PCDHGA2: variants seen among roughly 807,000 people sequenced by gnomAD.
PCDHGA2 encodes protocadherin gamma subfamily A, 2, also known as protocadherin gamma-A2.
In PCDHGA2, 40 loss-of-function variants were observed where a neutral mutation model predicts 59.2. That is an observed-to-expected ratio of 0.68 (90% CI 0.52 to 0.88). PCDHGA2 has a LOEUF of 0.88. Ranked by LOEUF, PCDHGA2 falls within the 40% of genes least tolerant of loss-of-function variation. PCDHGA2 has a pLI of 0.00. For missense variants in PCDHGA2, 1,226 were observed against 1,204.0 expected (o/e 1.02, Z -0.27); for synonymous variants, 560 against 526.0 (o/e 1.06, Z -0.89).
Position 141,462,070 on chromosome 5 carries a change from G to A in PCDHGA2, c.2425-32737G>A, listed in dbSNP as rs572217894. Among the ~76,000 whole-genome samples the A allele has an allele frequency of 2.6e-5, 4 of 152,196 alleles. No homozygotes were observed. In the East Asian group the frequency reaches 7.7e-4, roughly 29 times the overall value. Reference sequence around the variant, plus strand: ...ACTCCCGACCTCAGGTGATCTGCCCGCCTTGGCCTCCCAAAATGCTGGGAT... The same window carrying A: ...ACTCCCGACCTCAGGTGATCTGCCCACCTTGGCCTCCCAAAATGCTGGGAT... On this transcript the variant is annotated intron_variant, in intron 1 of 3. Transcript: ENST00000394576.
chr5:141,410,419 TC>T (rs769125626), intron 1 of PCDHGA2: 1 of 1,613,886 alleles, frequency 6.2e-7, no homozygotes, highest in South Asian at 1.1e-5. Flanking sequence ...GACCTGTAGT[TC>T]CCCCCAACTA....
chr5:141,494,153 G>T (rs2099752286), intron 1 of PCDHGA2, among the ~76,000 whole-genome samples: 1 of 152,186 alleles, frequency 6.6e-6, no homozygotes, highest in Non-Finnish European at 1.5e-5. Flanking sequence ...CCATTGTCTG[G>T]CACGGAGTTC....
rs267600445 is a variant in PCDHGA2, at chr5:141,340,764, C to T, written c.1793C>T (p.Ser598Leu). Residue 598 changes from serine (S) to leucine (L), a missense_variant, in exon 1 of 4, where the codon TCG becomes TTG. By Grantham distance (145) the Ser-to-Leu change is moderately radical. Coordinates refer to ENST00000394576, the MANE Select transcript of PCDHGA2 (RefSeq NM_018915.4). ...AAGGTGGTGGCGGTGGACAGAGACT[C>T]GGGCCAGAACGCCTGGCTGTCTTAC... The part of the protein sequence containing the change: ...VTKVVAVDRD[S>L]GQNAWLSYHL... The T allele has an allele frequency of 2.5e-6, 4 of 1,613,952 alleles. No homozygotes were observed. Among genetic ancestry groups the T allele is most frequent in the East Asian group, 4.5e-5 (2 of 44,858 alleles).
At chr5:141,504,709 C>G (rs11743102) in intron 2 of PCDHGA2, among the ~76,000 whole-genome samples, 29,287 of 151,306 alleles carry the variant, frequency 0.19, 2,876 homozygotes, top group Middle Eastern at 0.24. Context: ...CTTCTATGGC[C>G]GTGGATTTTA....
Position 141,379,889 on chromosome 5 carries a change from C to CTTTTTTTTTTTTTTTTTTT in PCDHGA2, c.2424+38506_2424+38524dup, listed in dbSNP as rs70988800. ...CTTATTTTATGGTCTGTGAAAGCCT[C>CTTTTTTTTTTTTTTTTTTT]TTTTTTTTTTTTTTTTTTTTTTTTT... On this transcript the variant is annotated intron_variant, in intron 1 of 3. Transcript: ENST00000394576. Among the ~76,000 whole-genome samples, 178 of 50,830 alleles carry CTTTTTTTTTTTTTTTTTTT rather than the reference C, an allele frequency of 3.5e-3. 28 individuals are homozygous for CTTTTTTTTTTTTTTTTTTT. Among genetic ancestry groups the CTTTTTTTTTTTTTTTTTTT allele is most frequent in the Non-Finnish European group, 5.0e-3 (129 of 25,880 alleles). The allele number at this position is 50,830 out of a possible 152,430, so 33.3% of individuals were successfully genotyped here.
chr5:141,368,191 A>G (rs1765525656), intron 1 of PCDHGA2, among the ~76,000 whole-genome samples: 1 of 152,206 alleles, frequency 6.6e-6, no homozygotes, highest in Admixed American at 6.5e-5. Flanking sequence ...AAATAAGGGG[A>G]AAAGGTAATA....
chr5:141,431,474 G>A lies in PCDHGA2; in HGVS notation c.2425-63333G>A, dbSNP rs747313827. 2 of 1,613,842 alleles carry A rather than the reference G, an allele frequency of 1.2e-6. No homozygotes were observed. Among genetic ancestry groups the A allele is most frequent in the East Asian group, 4.5e-5 (2 of 44,886 alleles). ...GATGGTTCTGGATGCGAACGACAACGCACCAGCGTTTGCTCAGCCCGAGTA... is the reference window on the plus strand; with the variant it reads ...GATGGTTCTGGATGCGAACGACAACACACCAGCGTTTGCTCAGCCCGAGTA... On this transcript the variant is annotated intron_variant, in intron 1 of 3. Coordinates refer to ENST00000394576, the MANE Select transcript of PCDHGA2 (RefSeq NM_018915.4). This position sits in a 1 kb window ranked among gnomAD's most constrained non-coding sequence, Gnocchi z 4.8.
rs115565444 is a variant in PCDHGA2 at position 141,487,520 on chromosome 5, G to C, written c.2425-7287G>C. 1 of 1,614,166 alleles carries C rather than the reference G, an allele frequency of 6.2e-7. No individual in the cohort carries two copies. Among genetic ancestry groups the C allele is most frequent in the Non-Finnish European group, 8.5e-7 (1 of 1,180,042 alleles). ...CTTGGCTTCTGCACCCACTCGGAGT[G>C]ATAGCTTCATGATGGTGAAGTCACC... On this transcript the variant is annotated intron_variant, in intron 1 of 3. Coordinates refer to ENST00000394576, the MANE Select transcript of PCDHGA2 (RefSeq NM_018915.4). The surrounding 1 kb of genome is among the most constrained non-coding windows in gnomAD (Gnocchi z 5.0).
rs766260971 is a variant in PCDHGA2 at position 141,365,497 on chromosome 5, T to A, written c.2424+24102T>A. On this transcript the variant is annotated intron_variant, in intron 1 of 3. Transcript: ENST00000394576. ...AGATTGCATGCTCTATTCCTAGGAA[T>A]TTGCCTTTTAAATTGGAGAAGTCAG... 3.1e-6 allele frequency: 5 copies of A among 1,613,978 alleles called. No homozygotes were observed. The South Asian group carries it at 4.4e-5, about 14-fold the overall frequency.
chr5:141,342,710 A>C (rs1757199640), intron 1 of PCDHGA2: 1 of 152,250 alleles, frequency 6.6e-6, no homozygotes, highest in Admixed American at 6.5e-5. Flanking sequence ...TGTGTGTAGT[A>C]ACTCCACAAG....
chr5:141,366,945 A>G, intron 1 of PCDHGA2: 2 of 763,980 alleles, frequency 2.6e-6, no homozygotes, highest in East Asian at 5.7e-5. Flanking sequence ...TCTAGCTGAT[A>G]TCTGTAGACT....
intron 1 of PCDHGA2, chr5:141,383,860 G>A: frequency 6.2e-7 from 1 of 1,613,926 alleles, no homozygotes; most frequent in Non-Finnish European, 8.5e-7. Flanking sequence ...GGAGGTTCAG[G>A]CTCAAGATGG....
intron 1 of PCDHGA2, chr5:141,422,052 C>T: frequency 6.2e-7 from 1 of 1,611,298 alleles, no homozygotes; most frequent in Non-Finnish European, 8.5e-7. Flanking sequence ...AGGGAATCAA[C>T]GGGGAAGTAA....
chr5:141,413,194 C>T lies in PCDHGA2; in HGVS notation c.2424+71799C>T, dbSNP rs749749411. ...GACTACAATGGCCGCTCAAAGGAAT[C>T]GCTCAAAGGAATCAAAGGATTGCAG... On this transcript the variant is annotated intron_variant, in intron 1 of 3. Coordinates refer to ENST00000394576, the MANE Select transcript of PCDHGA2 (RefSeq NM_018915.4). 5.3e-5 allele frequency: 85 copies of T among 1,607,784 alleles called. No individual in the cohort carries two copies. Among genetic ancestry groups the T allele is most frequent in the Non-Finnish European group, 7.0e-5 (82 of 1,176,492 alleles).
chr5:141,418,714 T>C, intron 1 of PCDHGA2: 4 of 1,614,000 alleles, frequency 2.5e-6, no homozygotes, highest in Non-Finnish European at 3.4e-6. Flanking sequence ...TTGGTGTGGC[T>C]GACAAAGCTC....
At chr5:141,368,813 A>G (rs529134948) in intron 1 of PCDHGA2, among the ~76,000 whole-genome samples, 1 of 152,204 alleles carries the variant, frequency 6.6e-6, no homozygotes, top group African/African-American at 2.4e-5. Flanking sequence ...TGAAGTGTTC[A>G]TACAATGAAC....
In PCDHGA2 at chr5:141,490,052, A is replaced by G. The variant is rs774710472; in HGVS notation, c.2425-4755A>G. 11 of 1,614,098 alleles carry G rather than the reference A, an allele frequency of 6.8e-6. No homozygotes were observed. The highest frequency in any genetic ancestry group is 9.3e-6 in the Non-Finnish European group (11 of 1,180,014). On this transcript the variant is annotated intron_variant, in intron 1 of 3. Transcript: ENST00000394576. The surrounding 1 kb of genome is among the most constrained non-coding windows in gnomAD (Gnocchi z 5.4). ...CGCCTCAATGCCACTGATCCAGACG[A>G]GGGCACCAACGGCCAACTAGACTAT... is the stretch of plus-strand genomic sequence containing the variant.
intron 3 of PCDHGA2, chr5:141,507,010 G>A (rs371780810): frequency 1.3e-5 from 2 of 152,324 alleles, no homozygotes; most frequent in East Asian, 1.9e-4. Flanking sequence ...TGAGAGAACC[G>A]AGAAGGCACT....
chr5:141,413,337 G>A, intron 1 of PCDHGA2: 1 of 1,613,978 alleles, frequency 6.2e-7, no homozygotes, highest in Non-Finnish European at 8.5e-7. Flanking sequence ...ACATCTCCAA[G>A]GACTTGGGTC....
Sources: allele counts gnomAD v4.1 joint callset (sites outside exome capture counted in the v4.1 genomes callset), GRCh38; gene constraint gnomAD v4.1.1; non-coding constraint Gnocchi (gnomAD v3.1); transcripts MANE v1.5; gene names NCBI Gene and HGNC (gene_info 2026-07-23, HGNC 2026-07-21).